Variants in UBXN11 observed in about 807,000 individuals in gnomAD.
UBXN11 encodes the protein UBX domain protein 11.
A neutral mutation model predicts 62.8 loss-of-function variants in UBXN11; 47 were observed. The observed-to-expected ratio is 0.75, with a 90% CI of 0.59 to 0.95. The LOEUF (loss-of-function observed/expected upper bound fraction) is 0.95. Among genes scored for constraint, UBXN11 ranks in the 40% least tolerant of loss-of-function variants. UBXN11 has a pLI of 0.00. For synonymous variants in UBXN11, 294 were observed against 267.0 expected, an observed-to-expected ratio of 1.10 and a Z score of -0.99; for missense variants, 638 against 661.7, an observed-to-expected ratio of 0.96 and a Z score of 0.39.
At chr1:26,315,729 G>A (rs143051603) in intron 1 of UBXN11, among the ~76,000 whole-genome samples, 2,507 of 152,150 alleles carry the variant, frequency 0.016, 71 homozygotes, top group African/African-American at 0.057. Flanking sequence ...GCACGATCTC[G>A]GCTCACTGCA....
rs1357228936 is a variant in UBXN11, at chr1:26,284,135, G to A, written c.1077+7C>T. 1.2e-6 allele frequency: 2 copies of A among 1,600,194 alleles called. No homozygotes were observed. The highest frequency in any genetic ancestry group is 1.7e-6 in the Non-Finnish European group (2 of 1,172,914). ...AGGAGGGCTGGGGGAGTTAGCATTG[G>A]CCTCACCTGCAAGGTGTCCCTGATG... On this transcript the variant is annotated splice_region_variant and intron_variant, in intron 12 of 14. Transcript: ENST00000374222.
exon 1 of UBXN11, chr1:26,318,103 C>G (rs773292945): frequency 6.3e-7 from 1 of 1,596,842 alleles, no homozygotes; most frequent in South Asian, 1.1e-5. Flanking sequence ...ACTGCCAGGA[C>G]TCCCCAAAGT....
Position 26,284,499 on chromosome 1 carries a change from G to A in UBXN11, c.853-17C>T, listed in dbSNP as rs1044809657. 6.3e-7 allele frequency: 1 copy of A among 1,576,486 alleles called. No individual in the cohort carries two copies. Among genetic ancestry groups the A allele is most frequent in the Non-Finnish European group, 8.6e-7 (1 of 1,156,338 alleles). On this transcript the variant is annotated splice_polypyrimidine_tract_variant and intron_variant, in intron 10 of 14. Coordinates refer to ENST00000374222, the MANE Select transcript of UBXN11 (RefSeq NM_001389556.1). ...GTCACTCACCTGGCAAGAAAGAAGG[G>A]CAACGACGGCAGCGGACCCAGCTCT... is the stretch of plus-strand genomic sequence containing the variant.
At chr1:26,282,829 G>A (rs373886308) in intron 13 of UBXN11, 35 bp downstream of exon 13, 11 of 1,613,862 alleles carry the variant, frequency 6.8e-6, no homozygotes, top group African/African-American at 2.7e-5. Context: ...GTGACCCAAC[G>A]CCCCCAGGCC....
chr1:26,298,141 T>C lies in UBXN11; in HGVS notation c.200-79A>G, dbSNP rs562578462. On this transcript the variant is annotated intron_variant, in intron 4 of 14. Transcript: ENST00000374222. The stretch of plus-strand genomic sequence containing the variant: ...TGGGGGGGAGGGAGGAGGATAGGGG[T>C]CCCAGGAATGGAAATGAAGGTACTG... 4.8e-6 allele frequency: 7 copies of C among 1,454,008 alleles called. 1 individual carries two copies. The highest frequency in any genetic ancestry group is 2.4e-5 in the South Asian group (2 of 82,882). 90.1% of individuals were successfully genotyped at this position (1,454,008 alleles called of 1,614,324 possible).
upstream of UBXN11, among the ~76,000 whole-genome samples, chr1:26,311,475 ACT>A (rs2073744108): frequency 6.7e-6 from 1 of 148,600 alleles, no homozygotes; most frequent in South Asian, 2.1e-4. Context: ...GGAGTCTCAC[ACT>A]CGTTGCCAAG....
Position 26,300,854 on chromosome 1 carries a change from C to A in UBXN11, c.199+72G>T, listed in dbSNP as rs1404023750. 2.5e-6 allele frequency: 4 copies of A among 1,609,874 alleles called. No individual in the cohort carries two copies. In the East Asian group the frequency reaches 8.9e-5, roughly 36 times the overall value. On this transcript the variant is annotated intron_variant, in intron 4 of 14. Coordinates refer to ENST00000374222, the MANE Select transcript of UBXN11 (RefSeq NM_001389556.1). ...CAGGCGAGAGGAAGGGCCATGCCTC[C>A]CTAGGCCTTGCCCCGTCTCTGGGGC...
intron 7 of UBXN11, among the ~76,000 whole-genome samples, chr1:26,295,661 T>C (rs1047009982): frequency 7.6e-6 from 1 of 132,350 alleles, no homozygotes; most frequent in Non-Finnish European, 1.8e-5. Context: ...TCACCAGACA[T>C]CATGCCCAAT....
At position 26,283,960 on chromosome 1, in the gene UBXN11, G is replaced by A. The variant is rs553378646; in HGVS notation, c.1077+182C>T. Reference sequence around the variant, plus strand: ...CTTACAGCTAACCCACCTGCTTTCCGGGGCCCAGCCCGTGCCCTCACCAGC... The same window carrying A: ...CTTACAGCTAACCCACCTGCTTTCCAGGGCCCAGCCCGTGCCCTCACCAGC... On this transcript the variant is annotated intron_variant, in intron 12 of 14. Coordinates refer to ENST00000374222, the MANE Select transcript of UBXN11 (RefSeq NM_001389556.1). 1.6e-4 allele frequency among the ~76,000 whole-genome samples: 25 copies of A among 152,268 alleles called. No individual in the cohort carries two copies. In the South Asian group the frequency reaches 5.0e-3, roughly 30 times the overall value.
intron 6 of UBXN11, among the ~76,000 whole-genome samples, chr1:26,297,224 G>T (rs1337286558): frequency 6.6e-6 from 1 of 152,132 alleles, no homozygotes; most frequent in Non-Finnish European, 1.5e-5. Flanking sequence ...GATGGGACTC[G>T]GTCCCATGTA....
intron 10 of UBXN11, 130 bp downstream of exon 10, chr1:26,285,334 G>T (rs1273962845): frequency 2.0e-6 from 3 of 1,521,944 alleles, no homozygotes; most frequent in Admixed American, 4.1e-5. Context: ...TATCCTCCTG[G>T]AGGGCATCAG....
chr1:26,291,283 C>T (rs6696025), intron 8 of UBXN11, among the ~76,000 whole-genome samples: 35,619 of 152,130 alleles, frequency 0.23, 4,768 homozygotes, highest in Non-Finnish European at 0.31. Context: ...GAGAGAGGAA[C>T]GGGGACGCCG....
At chr1:26,294,158 T>G in intron 8 of UBXN11, 47 bp downstream of exon 8, 2 of 1,607,836 alleles carry the variant, frequency 1.2e-6, no homozygotes, top group Non-Finnish European at 1.7e-6. Context: ...AGCAAACTGT[T>G]GGAGAATTCC....
At chr1:26,317,410 C>G (rs1473685328) in intron 1 of UBXN11, among the ~76,000 whole-genome samples, 1 of 152,146 alleles carries the variant, frequency 6.6e-6, no homozygotes, top group Non-Finnish European at 1.5e-5. Flanking sequence ...AATCCACCAA[C>G]CCTTCCACAA....
In UBXN11 at chr1:26,298,119, G is replaced by A. The variant is rs1004700306; in HGVS notation, c.200-57C>T. ...ACCTAGAGCCGAGGCTGAGTTGTGG[G>A]GGGGAGGGAGGAGGATAGGGGTCCC... On this transcript the variant is annotated intron_variant, in intron 4 of 14. Coordinates refer to ENST00000374222, the MANE Select transcript of UBXN11 (RefSeq NM_001389556.1). The A allele has an allele frequency of 2.6e-5, 40 of 1,555,856 alleles. No homozygotes were observed. The South Asian group carries it at 3.2e-4, about 13-fold the overall frequency.
intron 4 of UBXN11, among the ~76,000 whole-genome samples, chr1:26,298,848 T>C (rs1443818379): frequency 6.6e-6 from 1 of 151,004 alleles, no homozygotes; most frequent in Non-Finnish European, 1.5e-5. Flanking sequence ...GAAGCAGGCC[T>C]TTTCCTTTTC....
upstream of UBXN11, among the ~76,000 whole-genome samples, chr1:26,309,528 G>C (rs147362724): frequency 0.012 from 1,792 of 152,158 alleles, 35 homozygotes; most frequent in African/African-American, 0.041. Flanking sequence ...GTGAGCCACC[G>C]TGCCCTTCTG....
upstream of UBXN11, among the ~76,000 whole-genome samples, chr1:26,309,589 T>C (rs992070253): frequency 2.6e-5 from 4 of 152,166 alleles, no homozygotes; most frequent in Non-Finnish European, 4.4e-5. Flanking sequence ...CAGAGCCTTA[T>C]TATAAAAATA....
chr1:26,298,983 T>C (rs1451067169), intron 4 of UBXN11, among the ~76,000 whole-genome samples: 1 of 152,144 alleles, frequency 6.6e-6, no homozygotes, highest in Non-Finnish European at 1.5e-5. Flanking sequence ...CCCCTGATGA[T>C]GTCTTGGAGT....
Sources: gnomAD v4.1 joint callset for allele counts (sites outside exome capture counted in the v4.1 genomes callset) on GRCh38, gnomAD v4.1.1 for gene constraint, MANE v1.5 for transcripts, NCBI Gene and HGNC (gene_info 2026-07-23, HGNC 2026-07-21) for gene names.